The following NEK11 variants were observed in gnomAD, a reference collection of about 807,000 sequenced individuals.
The protein encoded by NEK11 is serine/threonine-protein kinase Nek11.
Under a neutral mutation model 80.7 loss-of-function variants are expected in NEK11, and 72 were observed. The observed-to-expected ratio is 0.89, with a 90% CI of 0.74 to 1.08. The LOEUF (loss-of-function observed/expected upper bound fraction) is 1.08, where lower values mean the gene tolerates loss of function less well. NEK11 is among the 50% of genes least tolerant of loss of function. The probability of loss-of-function intolerance (pLI) is 0.00; values close to 1 mark genes in which losing one functional copy is unlikely to be tolerated. For synonymous variants in NEK11, 251 were observed against 260.7 expected (o/e 0.96, Z 0.36); for missense variants, 764 against 763.6 (o/e 1.00, Z -0.01).
intron 6 of NEK11, 148 bp downstream of exon 6, chr3:131,132,957 T>C (rs1015902570): frequency 1.9e-6 from 1 of 520,162 alleles, no homozygotes; most frequent in Non-Finnish European, 3.4e-6. Context: ...CATGTGCTGC[T>C]GAAATGAACA....
chr3:131,262,322 G>A (rs1261017052), intron 16 of NEK11, among the ~76,000 whole-genome samples: 2 of 152,120 alleles, frequency 1.3e-5, no homozygotes, highest in Non-Finnish European at 2.9e-5. Context: ...GGAGTTCAAA[G>A]TCAGCCTGGG....
intron 17 of NEK11, among the ~76,000 whole-genome samples, chr3:131,317,899 A>G (rs1453869123): frequency 6.6e-6 from 1 of 151,078 alleles, no homozygotes; most frequent in South Asian, 2.1e-4. Context: ...CAAGTTCCCC[A>G]GATGAGAAAA....
In NEK11 at chr3:131,217,976, A is replaced by G. The variant is rs897150428; in HGVS notation, c.1400-10552A>G. The stretch of plus-strand genomic sequence containing the variant: ...AAAAAAATTTAGTCATCTGAGATGT[A>G]ATTGATATCTGACAAAGGACTCACT... On this transcript the variant is annotated intron_variant, in intron 14 of 17. Transcript: ENST00000383366. 2.6e-5 allele frequency among the ~76,000 whole-genome samples: 4 copies of G among 152,336 alleles called. No individual in the cohort carries two copies. In the South Asian group the frequency reaches 8.3e-4, roughly 32 times the overall value.
intron 12 of NEK11, among the ~76,000 whole-genome samples, chr3:131,167,750 C>T (rs1163610555): frequency 6.6e-6 from 1 of 152,180 alleles, no homozygotes; most frequent in African/African-American, 2.4e-5. Flanking sequence ...GAGGATTTCA[C>T]AAGGATCCTA....
chr3:131,164,471 T>C (rs2092002733), intron 11 of NEK11, among the ~76,000 whole-genome samples: 1 of 152,194 alleles, frequency 6.6e-6, no homozygotes, highest in African/African-American at 2.4e-5. Context: ...CTGTTCGTAA[T>C]ACCTCAGAAA....
chr3:131,110,860 G>A (rs906510569), intron 5 of NEK11, among the ~76,000 whole-genome samples: 1 of 152,116 alleles, frequency 6.6e-6, no homozygotes, highest in African/African-American at 2.4e-5. Context: ...CATGCTTGTT[G>A]ATACAGATAG....
chr3:131,066,190 C>T (rs987950038), intron 3 of NEK11, among the ~76,000 whole-genome samples: 2 of 152,214 alleles, frequency 1.3e-5, no homozygotes, highest in African/African-American at 4.8e-5. Context: ...GGCATATTCT[C>T]CATAAGCCCA....
At chr3:131,126,695 G>A (rs2083397675) in intron 5 of NEK11, among the ~76,000 whole-genome samples, 1 of 151,952 alleles carries the variant, frequency 6.6e-6, no homozygotes, top group Non-Finnish European at 1.5e-5. Context: ...TTTAAATTCT[G>A]CTTGGGATTT....
In NEK11 at chr3:131,350,076, T is replaced by G. The variant is rs895807408; in HGVS notation, c.*300T>G. On this transcript the variant is annotated 3_prime_UTR_variant, in exon 18 of 18. Coordinates refer to ENST00000383366, the MANE Select transcript of NEK11 (RefSeq NM_024800.5). ...GGCTTCCAGCAGGATTGAGTCACCC[T>G]GACGATGACCGGGGAGAAGCCGTGT... is the stretch of plus-strand genomic sequence containing the variant. 4 of 325,740 alleles carry G rather than the reference T, an allele frequency of 1.2e-5. No individual in the cohort carries two copies. The highest frequency in any genetic ancestry group is 2.3e-5 in the Non-Finnish European group (4 of 173,544). The allele number at this position is 325,740 out of a possible 1,614,324, so 20.2% of individuals were successfully genotyped here. A position where few individuals can be genotyped will look rare whatever the true frequency, so the allele number is the denominator to read the frequency against.
intron 14 of NEK11, among the ~76,000 whole-genome samples, chr3:131,208,947 A>G (rs910418290): frequency 3.3e-5 from 5 of 152,146 alleles, no homozygotes; most frequent in Admixed American, 1.3e-4. Context: ...CTAATTGAAT[A>G]CCCTTTATTT....
At chr3:131,340,491 T>C (rs928738330) in intron 17 of NEK11, among the ~76,000 whole-genome samples, 13 of 152,308 alleles carry the variant, frequency 8.5e-5, no homozygotes, top group African/African-American at 3.1e-4. Flanking sequence ...TGTATTTTTT[T>C]ATAAATGAAA....
chr3:131,264,481 A>G (rs1451978724), intron 16 of NEK11, among the ~76,000 whole-genome samples: 1 of 152,116 alleles, frequency 6.6e-6, no homozygotes, highest in Non-Finnish European at 1.5e-5. Context: ...TCCTTTCCCC[A>G]TTTCTTGTTT....
intron 14 of NEK11, 41 bp downstream of exon 14, chr3:131,170,928 G>C (rs2092646644): frequency 6.9e-7 from 1 of 1,454,858 alleles, no homozygotes; most frequent in South Asian, 1.1e-5. Flanking sequence ...GCTCACAGCT[G>C]CTGCACAGGT....
intron 3 of NEK11, among the ~76,000 whole-genome samples, chr3:131,048,639 G>C (rs2067823182): frequency 6.6e-6 from 1 of 152,184 alleles, no homozygotes; most frequent in Non-Finnish European, 1.5e-5. Context: ...TGTTTTGGCT[G>C]TCTCCAGGTG....
chr3:131,089,942 T>C (rs965865513), intron 4 of NEK11, among the ~76,000 whole-genome samples: 1 of 152,190 alleles, frequency 6.6e-6, no homozygotes, highest in Non-Finnish European at 1.5e-5. Flanking sequence ...TAACGGAAGC[T>C]TTTTCATTTT....
chr3:131,306,989 A>G (rs774566141), intron 17 of NEK11, among the ~76,000 whole-genome samples: 2 of 152,030 alleles, frequency 1.3e-5, no homozygotes, highest in African/African-American at 2.4e-5. Flanking sequence ...TGTGTCTCCA[A>G]TCTTGGGGGC....
intron 16 of NEK11, among the ~76,000 whole-genome samples, chr3:131,257,150 TA>T (rs1002964726): frequency 3.4e-5 from 2 of 58,882 alleles, no homozygotes; most frequent in African/African-American, 2.3e-4. Flanking sequence ...TATGCCTGGC[TA>T]ATTTTTTTTT....
chr3:131,316,332 C>T (rs1451599214), intron 17 of NEK11, among the ~76,000 whole-genome samples: 3 of 152,146 alleles, frequency 2.0e-5, no homozygotes, highest in Non-Finnish European at 4.4e-5. Context: ...TAATTTGTAT[C>T]TGTCACTCAT....
intron 17 of NEK11, among the ~76,000 whole-genome samples, chr3:131,308,286 C>A (rs371852928): frequency 6.6e-6 from 1 of 152,146 alleles, no homozygotes; most frequent in South Asian, 2.1e-4. Flanking sequence ...GGTTGGTTTG[C>A]CTATTCTTTA....
Sources: gnomAD v4.1 joint callset for allele counts (sites outside exome capture counted in the v4.1 genomes callset) on GRCh38, gnomAD v4.1.1 for gene constraint, MANE v1.5 for transcripts, NCBI Gene and HGNC (gene_info 2026-07-23, HGNC 2026-07-21) for gene names.